DENND1A: variants seen among roughly 807,000 people sequenced by gnomAD.
DENND1A encodes DENN domain-containing protein 1A.
DENND1A carries 51 observed loss-of-function variants against 113.7 expected under a neutral mutation model. The observed-to-expected ratio is 0.45, with a 90% CI of 0.36 to 0.57. The LOEUF (loss-of-function observed/expected upper bound fraction) is 0.57, where lower values mean the gene tolerates loss of function less well. Among genes scored for constraint, DENND1A ranks in the 20% least tolerant of loss-of-function variants. DENND1A has a pLI of 0.00. For synonymous variants in DENND1A, 565 were observed against 570.8 expected (o/e 0.99, Z 0.14); for missense variants, 1,258 against 1,395.9 (o/e 0.90, Z 1.57).
intron 2 of DENND1A, among the ~76,000 whole-genome samples, chr9:123,877,649 C>G (rs907750179): frequency 2.0e-5 from 3 of 151,882 alleles, no homozygotes; most frequent in African/African-American, 7.3e-5. Context: ...CATGGTGAAA[C>G]CTGTCTTTAC....
At chr9:123,613,096 C>T (rs2060488624) in intron 10 of DENND1A, among the ~76,000 whole-genome samples, 1 of 152,170 alleles carries the variant, frequency 6.6e-6, no homozygotes, top group Non-Finnish European at 1.5e-5. Flanking sequence ...ACCATCTCTA[C>T]ACATGGATTT....
intron 2 of DENND1A, among the ~76,000 whole-genome samples, chr9:123,872,031 G>A (rs895187044): frequency 2.0e-5 from 3 of 152,142 alleles, no homozygotes; most frequent in East Asian, 1.9e-4. Context: ...ACCCTCTTCC[G>A]AGACCTTTGG....
At chr9:123,451,322 A>G (rs754762598) in intron 17 of DENND1A, among the ~76,000 whole-genome samples, 1 of 152,210 alleles carries the variant, frequency 6.6e-6, no homozygotes, top group Non-Finnish European at 1.5e-5. Flanking sequence ...GAGAGGACTA[A>G]CAAAATTAAA....
chr9:123,407,259 C>T (rs2043941834), intron 20 of DENND1A, among the ~76,000 whole-genome samples: 2 of 152,094 alleles, frequency 1.3e-5, no homozygotes, highest in Non-Finnish European at 2.9e-5. Context: ...ACCAGCATGG[C>T]TGCCGACCCA....
chr9:123,556,142 G>C (rs1482271150), intron 13 of DENND1A, among the ~76,000 whole-genome samples: 1 of 152,198 alleles, frequency 6.6e-6, no homozygotes, highest in Non-Finnish European at 1.5e-5. Context: ...GGGCTTTCGA[G>C]AAACCTAAGG....
chr9:123,651,934 A>C, intron 9 of DENND1A, 79 bp downstream of exon 9: 1 of 1,316,892 alleles, frequency 7.6e-7, no homozygotes, highest in Non-Finnish European at 1.1e-6. Context: ...CTTTTTCTAA[A>C]ATTTTCTTTC....
chr9:123,539,584 A>G (rs571485506), intron 13 of DENND1A, among the ~76,000 whole-genome samples: 4 of 152,176 alleles, frequency 2.6e-5, no homozygotes, highest in Non-Finnish European at 4.4e-5. Context: ...TAGGGTGGGC[A>G]GGAAAGTTCT....
intron 13 of DENND1A, among the ~76,000 whole-genome samples, chr9:123,553,440 C>T (rs2057243388): frequency 1.3e-5 from 2 of 151,586 alleles, no homozygotes; most frequent in South Asian, 4.2e-4. Flanking sequence ...TTCTGATCCG[C>T]GGCCAGGGTT....
At chr9:123,384,943 G>A (rs546876511) in intron 22 of DENND1A, among the ~76,000 whole-genome samples, 4 of 152,080 alleles carry the variant, frequency 2.6e-5, no homozygotes, top group Non-Finnish European at 5.9e-5. Context: ...GCGAGACCCT[G>A]TCTCAAAACA....
chr9:123,830,075 C>T (rs1013467556), intron 2 of DENND1A, among the ~76,000 whole-genome samples: 6 of 152,058 alleles, frequency 3.9e-5, no homozygotes, highest in African/African-American at 1.4e-4. Context: ...TTTTTAAAAA[C>T]TGTGTCTCAC....
intron 2 of DENND1A, among the ~76,000 whole-genome samples, chr9:123,829,345 C>T (rs1209902847): frequency 1.3e-5 from 2 of 151,702 alleles, no homozygotes; most frequent in Non-Finnish European, 2.9e-5. Context: ...ATACACAAAT[C>T]AGAATTACAA....
chr9:123,508,690 A>G (rs925244538), intron 13 of DENND1A, among the ~76,000 whole-genome samples: 5 of 152,258 alleles, frequency 3.3e-5, no homozygotes, highest in African/African-American at 1.2e-4. Context: ...ATCTAAATAA[A>G]TATCAAGGAA....
chr9:123,752,478 A>T (rs1199415426), intron 5 of DENND1A, among the ~76,000 whole-genome samples: 1 of 152,222 alleles, frequency 6.6e-6, no homozygotes. Context: ...CTTCAATAAG[A>T]TCCCAATGGA....
intron 8 of DENND1A, among the ~76,000 whole-genome samples, chr9:123,653,133 A>G (rs2062746916): frequency 6.6e-6 from 1 of 152,246 alleles, no homozygotes; most frequent in Admixed American, 6.5e-5. Flanking sequence ...TGGATTTTAC[A>G]TGCAAAATAG....
Position 123,828,472 on chromosome 9 carries a change from A to AAC in DENND1A, c.89-35843_89-35842insGT, listed in dbSNP as rs1213602544. 4.7e-4 allele frequency among the ~76,000 whole-genome samples: 72 copies of AAC among 152,208 alleles called. 1 individual carries two copies. Among genetic ancestry groups the AAC allele is most frequent in the African/African-American group, 1.6e-3 (65 of 41,554 alleles). On this transcript the variant is annotated intron_variant, in intron 2 of 23. Coordinates refer to ENST00000394215, the MANE Select transcript of DENND1A (RefSeq NM_001352964.2). ...GAAAGAGAATTGGCTTACAAGAAAT[A>AAC]ATAAGTAATGTTAAGAAATACCCAA...
intron 13 of DENND1A, among the ~76,000 whole-genome samples, chr9:123,499,807 T>C (rs571106041): frequency 6.6e-4 from 101 of 152,334 alleles, no homozygotes; most frequent in African/African-American, 2.3e-3. Flanking sequence ...CTGAGCTGGC[T>C]GCTCCCACAG....
At chr9:123,733,414 G>A (rs1201047017) in intron 5 of DENND1A, among the ~76,000 whole-genome samples, 1 of 151,310 alleles carries the variant, frequency 6.6e-6, no homozygotes, top group East Asian at 2.0e-4. Flanking sequence ...TAAGTAATTG[G>A]GACTACAGGT....
At chr9:123,770,619 A>G (rs919464884) in intron 3 of DENND1A, among the ~76,000 whole-genome samples, 5 of 152,236 alleles carry the variant, frequency 3.3e-5, no homozygotes, top group Admixed American at 6.5e-5. Context: ...AAATTTTAAA[A>G]AAGTATTCCT....
intron 2 of DENND1A, among the ~76,000 whole-genome samples, chr9:123,793,366 TC>T (rs1833296518): frequency 6.6e-6 from 1 of 152,188 alleles, no homozygotes; most frequent in African/African-American, 2.4e-5. Context: ...TCCAATGCCA[TC>T]TTCTGTAAGT....
Sources: allele counts gnomAD v4.1 joint callset (sites outside exome capture counted in the v4.1 genomes callset), GRCh38; gene constraint gnomAD v4.1.1; transcripts MANE v1.5; gene names NCBI Gene and HGNC (gene_info 2026-07-23, HGNC 2026-07-21).